The following COLEC10 variants were observed in gnomAD, a reference collection of about 807,000 sequenced individuals.
COLEC10 encodes the protein collectin-10.
In COLEC10, 22 loss-of-function variants were observed where a neutral mutation model predicts 28.4. That is an observed-to-expected ratio of 0.78 (90% CI 0.55 to 1.11). COLEC10 has a LOEUF of 1.11. Ranked by LOEUF, COLEC10 falls within the 50% of genes least tolerant of loss-of-function variation. COLEC10 has a pLI of 0.00. For missense variants in COLEC10, 361 were observed against 344.1 expected, an observed-to-expected ratio of 1.05 and a Z score of -0.39; for synonymous variants, 125 against 116.1, an observed-to-expected ratio of 1.08 and a Z score of -0.49.
At chr8:119,078,990 TACACACACACACACACACAC>T (rs59453751) in intron 1 of COLEC10, among the ~76,000 whole-genome samples, 60,718 of 142,976 alleles carry the variant, frequency 0.42, 12,775 homozygotes, top group Middle Eastern at 0.45. Context: ...TGGGAAAACG[TACACACACACACACACACAC>T]ACACACACAC....
the COLEC10 span, among the ~76,000 whole-genome samples, chr8:118,974,679 G>A: frequency 7.9e-5 from 12 of 151,932 alleles, no homozygotes; most frequent in African/African-American, 2.4e-4. Context: ...TTAAATTTAC[G>A]TAAACGTATA....
the COLEC10 span, among the ~76,000 whole-genome samples, chr8:118,980,202 CTT>C: frequency 0.017 from 2,331 of 136,996 alleles, 63 homozygotes; most frequent in African/African-American, 0.057. Context: ...ATAAAACATT[CTT>C]TTTTTTTTTT....
At position 119,106,502 on chromosome 8, in the gene COLEC10, A is replaced by G. The variant is rs906897100; in HGVS notation, c.*311A>G. On this transcript the variant is annotated 3_prime_UTR_variant, in exon 6 of 6. Transcript: ENST00000332843. The stretch of plus-strand genomic sequence containing the variant: ...TTGTTCTCTTGGTATTTGCTCTACC[A>G]TCTCTCCCTAGAGCACTCTGTGTCT... The G allele has an allele frequency of 4.1e-5, 11 of 265,896 alleles. No individual in the cohort carries two copies. The highest frequency in any genetic ancestry group is 2.4e-4 in the East Asian group (3 of 12,570). 16.5% of individuals were successfully genotyped at this position (265,896 alleles called of 1,614,324 possible).
chr8:118,971,868 A>G, the COLEC10 span, among the ~76,000 whole-genome samples: 2 of 151,888 alleles, frequency 1.3e-5, no homozygotes, highest in Non-Finnish European at 2.9e-5. Flanking sequence ...GTTTGCTTAA[A>G]CTGTTTTTAC....
intron 3 of COLEC10, among the ~76,000 whole-genome samples, chr8:119,100,055 T>A (rs115669158): frequency 0.018 from 2,788 of 152,330 alleles, 42 homozygotes; most frequent in Admixed American, 0.04. Flanking sequence ...AATCAAAACA[T>A]TAAACCCATA....
the COLEC10 span, among the ~76,000 whole-genome samples, chr8:118,979,809 G>A: frequency 2.6e-5 from 4 of 152,180 alleles, no homozygotes; most frequent in African/African-American, 9.6e-5. Context: ...ATTCTGTGAG[G>A]CTGCAGTCAA....
chr8:118,962,631 C>A, the COLEC10 span, among the ~76,000 whole-genome samples: 1 of 152,120 alleles, frequency 6.6e-6, no homozygotes, highest in South Asian at 2.1e-4. Flanking sequence ...AACATGAGAT[C>A]TACTCTCTTA....
intron 2 of COLEC10, among the ~76,000 whole-genome samples, chr8:119,043,031 TGG>T (rs1814525824): frequency 6.6e-6 from 1 of 152,198 alleles, no homozygotes; most frequent in East Asian, 1.9e-4. Context: ...TGAGGAACTT[TGG>T]AAATGTTAAG....
At chr8:119,045,703 TA>T in intron 2 of COLEC10, among the ~76,000 whole-genome samples, 1 of 152,378 alleles carries the variant, frequency 6.6e-6, no homozygotes, top group Non-Finnish European at 1.5e-5. Flanking sequence ...CTTCTATAAA[TA>T]GTAAGCAGAT....
the COLEC10 span, among the ~76,000 whole-genome samples, chr8:118,972,299 C>G: frequency 2.0e-5 from 3 of 151,946 alleles, no homozygotes; most frequent in Non-Finnish European, 4.4e-5. Flanking sequence ...TTACTTGTAG[C>G]AACTTCTTGT....
the COLEC10 span, among the ~76,000 whole-genome samples, chr8:118,970,662 C>T: frequency 6.6e-6 from 1 of 150,670 alleles, no homozygotes; most frequent in Non-Finnish European, 1.5e-5. Context: ...TAAGTACATG[C>T]TTTTGCTTTT....
At chr8:118,958,681 G>A in the COLEC10 span, among the ~76,000 whole-genome samples, 108 of 152,318 alleles carry the variant, frequency 7.1e-4, no homozygotes, top group African/African-American at 2.3e-3. Flanking sequence ...TTTGGAATAC[G>A]ATGAGACCTT....
chr8:119,095,131 T>G (rs1348017499), intron 3 of COLEC10, among the ~76,000 whole-genome samples: 1 of 152,232 alleles, frequency 6.6e-6, no homozygotes, highest in Non-Finnish European at 1.5e-5. Flanking sequence ...TTGATAAGTT[T>G]TTCAGATGGC....
the COLEC10 span, among the ~76,000 whole-genome samples, chr8:118,958,872 C>G: frequency 6.6e-6 from 1 of 152,098 alleles, no homozygotes; most frequent in Non-Finnish European, 1.5e-5. Context: ...TTATACTAAC[C>G]AAGTATATAA....
the COLEC10 span, among the ~76,000 whole-genome samples, chr8:118,969,107 A>C: frequency 1.3e-5 from 2 of 152,044 alleles, no homozygotes. Flanking sequence ...AGGATCAGTC[A>C]CTAGAAGGAA....
intron 1 of COLEC10, among the ~76,000 whole-genome samples, chr8:119,005,091 T>G (rs924849454): frequency 6.6e-5 from 10 of 152,120 alleles, no homozygotes; most frequent in African/African-American, 2.2e-4. Flanking sequence ...AAAAAGATCC[T>G]TGGGTTCAGG....
chr8:118,995,327 ACT>A (rs1813571824), upstream of COLEC10: 2 of 152,196 alleles, frequency 1.3e-5, no homozygotes, highest in South Asian at 2.1e-4. Context: ...CTGCCAGTAA[ACT>A]CTGTATTTTT....
chr8:118,986,982 A>C, the COLEC10 span, among the ~76,000 whole-genome samples: 1 of 152,154 alleles, frequency 6.6e-6, no homozygotes, highest in Admixed American at 6.5e-5. Flanking sequence ...TGCACAATAT[A>C]GTATGCTAAG....
the COLEC10 span, among the ~76,000 whole-genome samples, chr8:118,960,556 G>A: frequency 0.023 from 3,503 of 151,998 alleles, 122 homozygotes; most frequent in African/African-American, 0.078. Context: ...AGGCTGAGGC[G>A]GGTGGATCAC....
Sources: gnomAD v4.1 joint callset for allele counts (sites outside exome capture counted in the v4.1 genomes callset) on GRCh38, gnomAD v4.1.1 for gene constraint, MANE v1.5 for transcripts, NCBI Gene and HGNC (gene_info 2026-07-23, HGNC 2026-07-21) for gene names.